The following PRKCE variants were observed in gnomAD, a reference collection of about 807,000 sequenced individuals.
The protein encoded by PRKCE is protein kinase C epsilon type.
Under a neutral mutation model 85.4 loss-of-function variants are expected in PRKCE, and 16 were observed. The observed-to-expected ratio is 0.19, with a 90% CI of 0.13 to 0.28. The LOEUF is 0.28. PRKCE is among the 10% of genes least tolerant of loss of function. PRKCE has a pLI of 1.00. For missense variants in PRKCE, 573 were observed against 975.2 expected (o/e 0.59, Z 5.49); for synonymous variants, 388 against 371.5 (o/e 1.04, Z -0.51).
intron 1 of PRKCE, among the ~76,000 whole-genome samples, chr2:45,834,443 G>C (rs187712816): frequency 6.6e-6 from 1 of 152,294 alleles, no homozygotes; most frequent in Admixed American, 6.5e-5. Context: ...TTGTAAATGG[G>C]CGTAGAATAA....
intron 2 of PRKCE, among the ~76,000 whole-genome samples, chr2:45,892,100 C>A (rs1695765641): frequency 6.6e-6 from 1 of 152,234 alleles, no homozygotes; most frequent in Non-Finnish European, 1.5e-5. Context: ...CCCAAATGCC[C>A]TGTACCTTAC....
intron 11 of PRKCE, among the ~76,000 whole-genome samples, chr2:46,110,943 T>G (rs1034354924): frequency 2.6e-5 from 4 of 152,228 alleles, no homozygotes; most frequent in African/African-American, 7.2e-5. Flanking sequence ...GAGTTCTTCT[T>G]TGACCCATGT....
chr2:45,894,349 C>A (rs112856139), intron 2 of PRKCE, among the ~76,000 whole-genome samples: 1 of 151,452 alleles, frequency 6.6e-6, no homozygotes, highest in East Asian at 1.9e-4. Context: ...TGCCAGGTAG[C>A]GACATCTTAA....
intron 14 of PRKCE, among the ~76,000 whole-genome samples, chr2:46,176,345 G>A (rs1258439535): frequency 6.6e-6 from 1 of 151,960 alleles, no homozygotes; most frequent in Non-Finnish European, 1.5e-5. Flanking sequence ...TCCAGTGTAG[G>A]CCCAGGTGAA....
chr2:45,677,347 T>G (rs1390123666), intron 1 of PRKCE, among the ~76,000 whole-genome samples: 3 of 139,032 alleles, frequency 2.2e-5, no homozygotes, highest in East Asian at 2.1e-4. Flanking sequence ...TTTTTTGTTG[T>G]TGTTGTTTTT....
intron 14 of PRKCE, among the ~76,000 whole-genome samples, chr2:46,177,929 T>C (rs1031769709): frequency 6.6e-6 from 1 of 152,144 alleles, no homozygotes; most frequent in African/African-American, 2.4e-5. Context: ...AGGCAGGAAC[T>C]GAGCAGTCAC....
chr2:45,865,063 C>T (rs1693476102), intron 2 of PRKCE, among the ~76,000 whole-genome samples: 1 of 152,206 alleles, frequency 6.6e-6, no homozygotes, highest in Non-Finnish European at 1.5e-5. Context: ...ACATCTCAAA[C>T]TTTATTGTCC....
chr2:45,789,065 G>A lies in PRKCE; in HGVS notation c.349-53935G>A, dbSNP rs534844204. On this transcript the variant is annotated intron_variant, in intron 1 of 14. Transcript: ENST00000306156. ...TGGAGAACCACCCACTTAGACCCTC[G>A]CAAAACCACCGCACTGAAGACTTGT... Among the ~76,000 whole-genome samples, 48 of 152,134 alleles carry A rather than the reference G, an allele frequency of 3.2e-4. No individual in the cohort carries two copies. In the South Asian group the frequency reaches 5.6e-3, roughly 18 times the overall value.
intron 2 of PRKCE, among the ~76,000 whole-genome samples, chr2:45,893,864 CTT>C (rs1695927763): frequency 6.6e-6 from 1 of 152,126 alleles, no homozygotes; most frequent in Non-Finnish European, 1.5e-5. Context: ...CTGGAGGGCT[CTT>C]TGCACTGTGC....
At chr2:45,727,073 G>T (rs889099625) in intron 1 of PRKCE, among the ~76,000 whole-genome samples, 2 of 152,170 alleles carry the variant, frequency 1.3e-5, no homozygotes. Flanking sequence ...TCTAGATAAA[G>T]ATGTATACCT....
At chr2:45,715,078 TC>T (rs1266380077) in intron 1 of PRKCE, among the ~76,000 whole-genome samples, 2 of 152,242 alleles carry the variant, frequency 1.3e-5, no homozygotes, top group Non-Finnish European at 2.9e-5. Context: ...ACAAAGCTTT[TC>T]CACAGGCAGG....
At chr2:45,840,534 C>T (rs112750592) in intron 1 of PRKCE, 1 of 152,148 alleles carries the variant, frequency 6.6e-6, no homozygotes, top group African/African-American at 2.4e-5. Context: ...GATTTAAAAC[C>T]GAAGATCCCA....
At chr2:45,845,542 T>C (rs548191297) in intron 2 of PRKCE, 3 of 152,240 alleles carry the variant, frequency 2.0e-5, no homozygotes, top group African/African-American at 7.2e-5. Context: ...AAAAAATACA[T>C]TCATGGGAAT....
chr2:46,062,596 C>A (rs1302751979), intron 10 of PRKCE, among the ~76,000 whole-genome samples: 1 of 150,714 alleles, frequency 6.6e-6, no homozygotes, highest in African/African-American at 2.4e-5. Context: ...TGTGTTTATG[C>A]ATTGACCAAC....
At chr2:46,039,468 T>G (rs1708090382) in intron 10 of PRKCE, among the ~76,000 whole-genome samples, 1 of 152,204 alleles carries the variant, frequency 6.6e-6, no homozygotes, top group Non-Finnish European at 1.5e-5. Context: ...TGAGGCCTGT[T>G]CTTCTAACCC....
At chr2:46,062,802 T>C (rs370675931) in intron 10 of PRKCE, among the ~76,000 whole-genome samples, 1 of 150,652 alleles carries the variant, frequency 6.6e-6, no homozygotes, top group East Asian at 2.0e-4. Flanking sequence ...GCCTCCTGAG[T>C]AGTTACAGTG....
At chr2:45,980,834 A>G (rs973654465) in intron 5 of PRKCE, among the ~76,000 whole-genome samples, 5 of 152,224 alleles carry the variant, frequency 3.3e-5, no homozygotes, top group African/African-American at 1.2e-4. Context: ...CACGGGAATA[A>G]AAAGAGTCAA....
intron 11 of PRKCE, among the ~76,000 whole-genome samples, chr2:46,109,638 CAT>C (rs1672071064): frequency 6.6e-6 from 1 of 152,100 alleles, no homozygotes; most frequent in African/African-American, 2.4e-5. Flanking sequence ...ACAATTATGT[CAT>C]ATGTGAATAA....
intron 1 of PRKCE, among the ~76,000 whole-genome samples, chr2:45,688,343 C>CA (rs1226054728): frequency 6.6e-6 from 1 of 152,076 alleles, no homozygotes; most frequent in Non-Finnish European, 1.5e-5. Context: ...GGGTACATAT[C>CA]AGAAGAGGGT....
Sources: allele counts gnomAD v4.1 joint callset (sites outside exome capture counted in the v4.1 genomes callset), GRCh38; gene constraint gnomAD v4.1.1; transcripts MANE v1.5; gene names NCBI Gene and HGNC (gene_info 2026-07-23, HGNC 2026-07-21).